Variants in KATNA1 observed in about 807,000 individuals in gnomAD.
KATNA1 encodes the protein katanin catalytic subunit A1, also known as katanin p60 ATPase-containing subunit A1.
KATNA1 carries 42 observed loss-of-function variants against 62.6 expected under a neutral mutation model. The ratio of observed to expected loss-of-function variants is 0.67; its 90% CI spans 0.52 to 0.87. The LOEUF (loss-of-function observed/expected upper bound fraction) is 0.87, where lower values mean the gene tolerates loss of function less well. KATNA1 is among the 40% of genes least tolerant of loss of function. KATNA1 has a pLI of 0.00. For missense variants in KATNA1, 498 were observed against 612.5 expected (o/e 0.81, Z 1.97); for synonymous variants, 186 against 201.9 (o/e 0.92, Z 0.67).
At chr6:149,615,497 C>A (rs1779135091) in intron 4 of KATNA1, among the ~76,000 whole-genome samples, 1 of 151,950 alleles carries the variant, frequency 6.6e-6, no homozygotes, top group Admixed American at 6.6e-5. Context: ...GAGCACCATC[C>A]CCGGCGAGTA....
rs767979478 is a variant in KATNA1 at position 149,597,654 on chromosome 6, T to A, written c.1016-13A>T. 6.2e-7 allele frequency: 1 copy of A among 1,608,022 alleles called. No homozygotes were observed. On this transcript the variant is annotated splice_polypyrimidine_tract_variant and intron_variant, in intron 8 of 10. Coordinates refer to ENST00000367411, the MANE Select transcript of KATNA1 (RefSeq NM_007044.4). ...GTACCTCCAACACCTAAAATAAGGG[T>A]AAGGGGAGAGTGAAAAAGATATTAA...
At chr6:149,623,927 AAG>A (rs921068196) in intron 3 of KATNA1, among the ~76,000 whole-genome samples, 2 of 152,164 alleles carry the variant, frequency 1.3e-5, no homozygotes, top group African/African-American at 4.8e-5. Context: ...ATTATCAGAG[AAG>A]AGAGTTTTAT....
intron 10 of KATNA1, among the ~76,000 whole-genome samples, chr6:149,595,661 T>C (rs939867548): frequency 7.0e-6 from 1 of 143,430 alleles, no homozygotes. Context: ...TCATTTGTGT[T>C]AAAAAAAAAA....
chr6:149,617,969 A>AATAAATAAATAAATAAATAT (rs1562289815), intron 4 of KATNA1, among the ~76,000 whole-genome samples: 5 of 123,000 alleles, frequency 4.1e-5, no homozygotes, highest in African/African-American at 1.6e-4. Context: ...TAAATAAATA[A>AATAAATAAATAAATAAATAT]TAAAATAAAT....
At chr6:149,606,968 T>C (rs1446129573) in intron 4 of KATNA1, among the ~76,000 whole-genome samples, 1 of 152,164 alleles carries the variant, frequency 6.6e-6, no homozygotes, top group Non-Finnish European at 1.5e-5. Context: ...TTCTTCAAAG[T>C]ATTTATAAAG....
chr6:149,647,195 T>C lies in KATNA1; in HGVS notation c.-14+1274A>G, dbSNP rs531862636. 9.2e-5 allele frequency among the ~76,000 whole-genome samples: 14 copies of C among 152,000 alleles called. No homozygotes were observed. In the South Asian group the frequency reaches 2.9e-3, roughly 31 times the overall value. On this transcript the variant is annotated intron_variant, in intron 1 of 10. Coordinates refer to ENST00000367411, the MANE Select transcript of KATNA1 (RefSeq NM_007044.4). ...ACAGGCCACAACTTGTTAATGTTAA[T>C]ACAAAACAAAGTTTTGCTCCTATTT... is the stretch of plus-strand genomic sequence containing the variant.
At chr6:149,647,854 T>G (rs1780548874) in intron 1 of KATNA1, among the ~76,000 whole-genome samples, 1 of 152,190 alleles carries the variant, frequency 6.6e-6, no homozygotes, top group South Asian at 2.1e-4. Flanking sequence ...TATTTTTGAT[T>G]AAATAAGAGC....
Position 149,638,404 on chromosome 6 carries a change from G to A in KATNA1, c.144C>T (p.Leu48=), listed in dbSNP as rs773573107. 3 of 1,613,024 alleles carry A rather than the reference G, an allele frequency of 1.9e-6. No individual in the cohort carries two copies. The highest frequency in any genetic ancestry group is 2.5e-6 in the Non-Finnish European group (3 of 1,179,744). ...KYLYSVKDTY[L]QQKWQQVWQE... ...CTCTCACCTGTTGCCATTTCTGCTG[G>A]AGGTATGTATCTTTGACTGAGTACA... Residue 48 remains leucine (L), a synonymous_variant, in exon 2 of 11, where the codon CTC becomes CTT. Coordinates refer to ENST00000367411, the MANE Select transcript of KATNA1 (RefSeq NM_007044.4).
At chr6:149,603,199 T>C in intron 6 of KATNA1, 69 bp downstream of exon 6, 1 of 660,890 alleles carries the variant, frequency 1.5e-6, no homozygotes, top group Non-Finnish European at 2.7e-6. Context: ...CCAATATAGA[T>C]AAATATTGGC....
intron 4 of KATNA1, among the ~76,000 whole-genome samples, chr6:149,612,517 T>A (rs927515013): frequency 3.3e-5 from 5 of 151,834 alleles, no homozygotes; most frequent in Non-Finnish European, 5.9e-5. Flanking sequence ...TCAAAAAAAA[T>A]TTTTAAAAAA....
chr6:149,603,869 C>T (rs982610346), intron 5 of KATNA1, among the ~76,000 whole-genome samples: 13 of 152,270 alleles, frequency 8.5e-5, no homozygotes, highest in African/African-American at 3.1e-4. Flanking sequence ...CATCTCCAAC[C>T]ACTAGAATAC....
chr6:149,621,427 T>A (rs1158713239), intron 4 of KATNA1, among the ~76,000 whole-genome samples: 1 of 146,204 alleles, frequency 6.8e-6, no homozygotes, highest in East Asian at 2.1e-4. Context: ...CCCGGCCCTG[T>A]GCCTTCTTAT....
intron 3 of KATNA1, 95 bp from the exon 4 acceptor site, chr6:149,623,378 C>A: frequency 1.3e-6 from 1 of 797,970 alleles, no homozygotes; most frequent in Non-Finnish European, 1.9e-6. Context: ...CTAAAGAAGC[C>A]AATGCAACAA....
chr6:149,615,174 G>A (rs1219302257), intron 4 of KATNA1, among the ~76,000 whole-genome samples: 10 of 139,296 alleles, frequency 7.2e-5, no homozygotes, highest in African/African-American at 5.3e-5. Context: ...CACAAAAGAA[G>A]ACAGTAATGT....
In KATNA1 at chr6:149,633,052, C is replaced by T. The variant is rs1003981145; in HGVS notation, c.163-136G>A. The T allele has an allele frequency of 1.9e-4, 101 of 544,478 alleles. No homozygotes were observed. In the Admixed American group the frequency reaches 2.0e-3, roughly 11 times the overall value. The allele number at this position is 544,478 out of a possible 1,614,324, so 33.7% of individuals were successfully genotyped here. ...ATCCAGTAAACCACATCAAGATATT[C>T]TATCAAAATGTTAATAACAGTTTAT... On this transcript the variant is annotated intron_variant, in intron 2 of 10. Transcript: ENST00000367411.
rs1308588536 is a variant in KATNA1 at position 149,625,755 on chromosome 6, GA to G, written c.321-2473del. ...TCAAGACCAGCCTGGCCAACATGGC[GA>G]AACCCCGTCTCTACTAAAAATACAA... On this transcript the variant is annotated intron_variant, in intron 3 of 10. Coordinates refer to ENST00000367411, the MANE Select transcript of KATNA1 (RefSeq NM_007044.4). Among the ~76,000 whole-genome samples the G allele has an allele frequency of 2.6e-5, 4 of 152,090 alleles. No homozygotes were observed. The East Asian group carries it at 7.7e-4, about 29-fold the overall frequency.
At chr6:149,620,344 G>GA (rs1230591822) in intron 4 of KATNA1, among the ~76,000 whole-genome samples, 2 of 152,078 alleles carry the variant, frequency 1.3e-5, no homozygotes, top group Non-Finnish European at 2.9e-5. Flanking sequence ...TGTCTCCCAG[G>GA]CTGGAGTGCA....
At chr6:149,611,092 A>G (rs1442799479) in intron 4 of KATNA1, among the ~76,000 whole-genome samples, 2 of 152,164 alleles carry the variant, frequency 1.3e-5, no homozygotes, top group African/African-American at 2.4e-5. Context: ...AGAAACAAAC[A>G]AAAAAGTCTC....
At chr6:149,613,700 G>A (rs1241225193) in intron 4 of KATNA1, among the ~76,000 whole-genome samples, 3 of 152,158 alleles carry the variant, frequency 2.0e-5, no homozygotes, top group African/African-American at 7.2e-5. Context: ...CTTCCAGGGG[G>A]AAACCTGGAT....
Sources: allele counts gnomAD v4.1 joint callset (sites outside exome capture counted in the v4.1 genomes callset), GRCh38; gene constraint gnomAD v4.1.1; transcripts MANE v1.5; gene names NCBI Gene and HGNC (gene_info 2026-07-23, HGNC 2026-07-21).